Variants in NEXMIF observed in about 807,000 individuals in gnomAD.
NEXMIF encodes neurite extension and migration factor.
A neutral mutation model predicts 62.1 loss-of-function variants in NEXMIF; 8 were observed. That is an observed-to-expected ratio of 0.13 (90% CI 0.08 to 0.23). The LOEUF is 0.23. NEXMIF is among the 10% of genes least tolerant of loss of function. The pLI is 1.00. For synonymous variants in NEXMIF, 404 were observed against 416.6 expected, an observed-to-expected ratio of 0.97 and a Z score of 0.37; for missense variants, 976 against 1,113.3, an observed-to-expected ratio of 0.88 and a Z score of 1.75.
At chrX:74,885,613 T>C (rs1444155980) in intron 1 of NEXMIF, among the ~76,000 whole-genome samples, 1 of 111,672 alleles carries the variant, frequency 9.0e-6, no homozygotes, top group Admixed American at 9.5e-5. Flanking sequence ...GTTGAATCTC[T>C]GAATAGACCA....
At chrX:74,845,654 C>G (rs1390441491) in intron 1 of NEXMIF, among the ~76,000 whole-genome samples, 1 of 111,321 alleles carries the variant, frequency 9.0e-6, no homozygotes, top group African/African-American at 3.3e-5. Flanking sequence ...ATATACAAAC[C>G]TATTTGTGAT....
At chrX:74,760,182 C>G (rs1037300274) in intron 1 of NEXMIF, among the ~76,000 whole-genome samples, 1 of 111,571 alleles carries the variant, frequency 9.0e-6, no homozygotes, top group African/African-American at 3.3e-5. Context: ...CCTGATTTGG[C>G]TCTCAGCTTG....
At chrX:74,830,004 C>G (rs1319315975) in intron 1 of NEXMIF, among the ~76,000 whole-genome samples, 4 of 111,370 alleles carry the variant, frequency 3.6e-5, no homozygotes, top group Non-Finnish European at 7.5e-5. Context: ...TGAGTTGTCT[C>G]TTCACTTTGT....
Position 74,883,668 on chromosome X carries a change from A to C in NEXMIF, c.-48+41215T>G, listed in dbSNP as rs1216235919. On this transcript the variant is annotated intron_variant, in intron 1 of 3. Transcript: ENST00000055682. Reference sequence around the variant, plus strand: ...ATGTGAAAAGACCAAATCTACGTCTAATTGGTGTATCTGAAAGTGACGGGC... The same window carrying C: ...ATGTGAAAAGACCAAATCTACGTCTCATTGGTGTATCTGAAAGTGACGGGC... Among the ~76,000 whole-genome samples the C allele has an allele frequency of 2.7e-5, 3 of 112,217 alleles. No homozygotes were observed. The South Asian group carries it at 1.1e-3, about 42-fold the overall frequency.
At chrX:74,849,047 A>G (rs745456367) in intron 1 of NEXMIF, among the ~76,000 whole-genome samples, 3 of 112,047 alleles carry the variant, frequency 2.7e-5, no homozygotes, top group African/African-American at 9.7e-5. Flanking sequence ...TAGCAGCCCA[A>G]ACTGATGGAG....
At chrX:74,896,955 G>C (rs980644714) in intron 1 of NEXMIF, among the ~76,000 whole-genome samples, 1 of 112,006 alleles carries the variant, frequency 8.9e-6, no homozygotes, top group Non-Finnish European at 1.9e-5. Context: ...CTAACCATAT[G>C]CTTTCTAAGT....
intron 1 of NEXMIF, among the ~76,000 whole-genome samples, chrX:74,821,833 G>A (rs759304803): frequency 9.0e-6 from 1 of 111,480 alleles, no homozygotes; most frequent in Non-Finnish European, 1.9e-5. Flanking sequence ...GTTTAATCAA[G>A]CTAATTAACA....
Position 74,739,147 on chromosome X carries a change from G to A in NEXMIF, c.*258C>T, listed in dbSNP as rs1340288388. ...ACAACTTCCCCAAATACAACCAAAT[G>A]TTGATATAGAAGTAAAAATATATAC... is the stretch of plus-strand genomic sequence containing the variant. On this transcript the variant is annotated 3_prime_UTR_variant, in exon 4 of 4. Coordinates refer to ENST00000055682, the MANE Select transcript of NEXMIF (RefSeq NM_001008537.3). The A allele has an allele frequency of 9.4e-6, 2 of 213,631 alleles. No homozygotes were observed. The highest frequency in any genetic ancestry group is 5.9e-5 in the African/African-American group (2 of 33,787). The allele number at this position is 213,631 out of a possible 1,213,427, so 17.6% of individuals were successfully genotyped here.
At chrX:74,851,482 A>G (rs1266386573) in intron 1 of NEXMIF, among the ~76,000 whole-genome samples, 1 of 111,265 alleles carries the variant, frequency 9.0e-6, no homozygotes, top group Non-Finnish European at 1.9e-5. Context: ...GCAAGAGAAA[A>G]GCATCTAGCC....
intron 1 of NEXMIF, among the ~76,000 whole-genome samples, chrX:74,796,745 T>C (rs1405133076): frequency 9.0e-6 from 1 of 111,252 alleles, no homozygotes; most frequent in African/African-American, 3.3e-5. Flanking sequence ...TTAGCCCACA[T>C]ATACAGCATA....
At chrX:74,757,798 T>C (rs773335517) in intron 1 of NEXMIF, among the ~76,000 whole-genome samples, 2 of 111,582 alleles carry the variant, frequency 1.8e-5, no homozygotes, top group South Asian at 7.6e-4. Flanking sequence ...GGGTAGTTTC[T>C]TGACTAAAGT....
At chrX:74,756,430 CAAACACACGTG>C (rs2080159608) in intron 1 of NEXMIF, among the ~76,000 whole-genome samples, 1 of 111,280 alleles carries the variant, frequency 9.0e-6, no homozygotes, top group South Asian at 3.8e-4. Flanking sequence ...CCCAGGAACC[CAAACACACGTG>C]TTAATAAGGC....
chrX:74,794,231 T>G (rs1602230157), intron 1 of NEXMIF, among the ~76,000 whole-genome samples: 1 of 109,763 alleles, frequency 9.1e-6, no homozygotes, highest in Non-Finnish European at 1.9e-5. Context: ...TGGAATACCC[T>G]GCCGTGTGAG....
chrX:74,878,663 C>T (rs185910199), intron 1 of NEXMIF, among the ~76,000 whole-genome samples: 3 of 112,853 alleles, frequency 2.7e-5, no homozygotes, highest in African/African-American at 6.4e-5. Context: ...TAGGATCCTG[C>T]GAGCCAGGTG....
intron 1 of NEXMIF, among the ~76,000 whole-genome samples, chrX:74,851,855 G>A (rs1226701402): frequency 9.0e-6 from 1 of 111,325 alleles, no homozygotes; most frequent in African/African-American, 3.3e-5. Flanking sequence ...TTATGACTAC[G>A]GAAAACCACC....
intron 1 of NEXMIF, among the ~76,000 whole-genome samples, chrX:74,791,885 T>C (rs1217796194): frequency 2.7e-5 from 3 of 111,596 alleles, no homozygotes; most frequent in African/African-American, 6.5e-5. Context: ...TTAGTCTTGA[T>C]AGCGGTCTAT....
chrX:74,849,767 C>T (rs1225834898), intron 1 of NEXMIF, among the ~76,000 whole-genome samples: 1 of 112,494 alleles, frequency 8.9e-6, no homozygotes, highest in African/African-American at 3.2e-5. Context: ...CATCTGCAGT[C>T]ACTGCCACTG....
chrX:74,884,554 A>G (rs907557214), intron 1 of NEXMIF, among the ~76,000 whole-genome samples: 3 of 112,181 alleles, frequency 2.7e-5, no homozygotes, highest in Non-Finnish European at 5.6e-5. Context: ...AAAGCAGGCC[A>G]TTATATAATG....
At chrX:74,875,656 T>C (rs187259275) in intron 1 of NEXMIF, among the ~76,000 whole-genome samples, 121 of 112,086 alleles carry the variant, frequency 1.1e-3, no homozygotes, top group African/African-American at 3.8e-3. Flanking sequence ...CTATTGATTA[T>C]TGCTACAATT....
Sources: allele counts gnomAD v4.1 joint callset (sites outside exome capture counted in the v4.1 genomes callset), GRCh38; gene constraint gnomAD v4.1.1; transcripts MANE v1.5; gene names NCBI Gene and HGNC (gene_info 2026-07-23, HGNC 2026-07-21).